The following AGFG1 variants were observed in gnomAD, a reference collection of about 807,000 sequenced individuals.
AGFG1 encodes ArfGAP with FG repeats 1.
A neutral mutation model predicts 60.6 loss-of-function variants in AGFG1; 10 were observed. That is an observed-to-expected ratio of 0.16 (90% CI 0.10 to 0.28). The LOEUF is 0.28. Ranked by LOEUF, AGFG1 falls within the 10% of genes least tolerant of loss-of-function variation. The probability of loss-of-function intolerance (pLI) is 1.00; values close to 1 mark genes in which losing one functional copy is unlikely to be tolerated. For synonymous variants in AGFG1, 247 were observed against 242.9 expected (o/e 1.02, Z -0.16); for missense variants, 537 against 676.5 (o/e 0.79, Z 2.29).
intron 5 of AGFG1, among the ~76,000 whole-genome samples, chr2:227,526,298 A>G (rs371481109): frequency 9.2e-5 from 14 of 152,222 alleles, no homozygotes; most frequent in Admixed American, 1.3e-4. Flanking sequence ...GGTTTAAGCT[A>G]TTCTCTCACC....
At chr2:227,554,400 T>C (rs1485667567) in intron 12 of AGFG1, 36 bp from the exon 13 acceptor site, 1 of 1,561,568 alleles carries the variant, frequency 6.4e-7, no homozygotes, top group Non-Finnish European at 8.7e-7. Flanking sequence ...GCACTACTTT[T>C]GTCTCTTTAT....
rs1232286345 is a variant in AGFG1 at position 227,555,011 on chromosome 2, A to G, written c.*516A>G. On this transcript the variant is annotated 3_prime_UTR_variant, in exon 13 of 13. Transcript: ENST00000310078. Reference sequence around the variant, plus strand: ...TTTTTCCTTTCTAAAGAGCTCTTCTATTTATACATGCCTAAATTCTTTTAA... The same window carrying G: ...TTTTTCCTTTCTAAAGAGCTCTTCTGTTTATACATGCCTAAATTCTTTTAA... The G allele has an allele frequency of 6.6e-6, 1 of 152,648 alleles. No homozygotes were observed. The highest frequency in any genetic ancestry group is 1.5e-5 in the Non-Finnish European group (1 of 68,066). The allele number at this position is 152,648 out of a possible 1,614,324, so 9.5% of individuals were successfully genotyped here.
chr2:227,496,633 G>C (rs1006427253), intron 2 of AGFG1, among the ~76,000 whole-genome samples: 7 of 152,150 alleles, frequency 4.6e-5, no homozygotes, highest in African/African-American at 1.7e-4. Flanking sequence ...TGGGCAAGAA[G>C]CTTTTTAGCC....
At chr2:227,551,698 T>C (rs1471481266) in intron 10 of AGFG1, among the ~76,000 whole-genome samples, 1 of 152,166 alleles carries the variant, frequency 6.6e-6, no homozygotes. Flanking sequence ...TTTGAGAAAT[T>C]GTCTTGGGAT....
Position 227,554,644 on chromosome 2 carries a change from A to G in AGFG1, c.*149A>G, listed in dbSNP as rs1184413629. The G allele has an allele frequency of 4.8e-6, 3 of 626,590 alleles. No homozygotes were observed. Among genetic ancestry groups the G allele is most frequent in the Non-Finnish European group, 8.1e-6 (3 of 371,220 alleles). 38.8% of individuals were successfully genotyped at this position (626,590 alleles called of 1,614,324 possible). Reference sequence around the variant, plus strand: ...TGCATTGTGTATTAAACACCAGGTAATATGTGCAAAACCGAGGGCTCCAGT... The same window carrying G: ...TGCATTGTGTATTAAACACCAGGTAGTATGTGCAAAACCGAGGGCTCCAGT... On this transcript the variant is annotated 3_prime_UTR_variant, in exon 13 of 13. Coordinates refer to ENST00000310078, the MANE Select transcript of AGFG1 (RefSeq NM_004504.5).
chr2:227,518,778 C>T (rs1313258497), intron 2 of AGFG1, among the ~76,000 whole-genome samples: 3 of 151,932 alleles, frequency 2.0e-5, no homozygotes, highest in Non-Finnish European at 2.9e-5. Flanking sequence ...CGCCTGCACC[C>T]GGCCTCAGTG....
At chr2:227,537,418 A>T (rs1323571264) in intron 10 of AGFG1, among the ~76,000 whole-genome samples, 2 of 152,358 alleles carry the variant, frequency 1.3e-5, no homozygotes, top group African/African-American at 4.8e-5. Context: ...ATTGCATCAG[A>T]TGACTTTACT....
chr2:227,534,713 A>T (rs1692258008), intron 7 of AGFG1, 132 bp from the exon 8 acceptor site: 2 of 881,824 alleles, frequency 2.3e-6, no homozygotes, highest in South Asian at 1.7e-5. Context: ...GTTATTTATT[A>T]GATTAATGAT....
At chr2:227,531,711 G>C (rs978126119) in intron 6 of AGFG1, among the ~76,000 whole-genome samples, 2 of 151,816 alleles carry the variant, frequency 1.3e-5, no homozygotes, top group Non-Finnish European at 2.9e-5. Context: ...GGGATTACAG[G>C]TGTGAGCCAC....
chr2:227,492,428 G>A (rs1346041322), intron 2 of AGFG1, among the ~76,000 whole-genome samples: 1 of 151,960 alleles, frequency 6.6e-6, no homozygotes, highest in East Asian at 1.9e-4. Flanking sequence ...TAGTACTTTA[G>A]TGGTACTCTT....
intron 1 of AGFG1, among the ~76,000 whole-genome samples, chr2:227,478,614 G>A (rs930102123): frequency 5.9e-5 from 9 of 152,112 alleles, no homozygotes; most frequent in South Asian, 2.1e-4. Context: ...GATTACAGGC[G>A]TGAATTACCA....
At chr2:227,505,178 CTT>C (rs1197439456) in intron 2 of AGFG1, among the ~76,000 whole-genome samples, 3 of 149,736 alleles carry the variant, frequency 2.0e-5, no homozygotes, top group East Asian at 1.9e-4. Context: ...TGATAATACT[CTT>C]TTTTGAAATT....
intron 10 of AGFG1, among the ~76,000 whole-genome samples, chr2:227,542,774 A>G (rs987270511): frequency 1.8e-4 from 27 of 152,298 alleles, no homozygotes; most frequent in African/African-American, 4.3e-4. Context: ...TTGGCTGTCA[A>G]TCTGTCTGGT....
At chr2:227,487,174 C>T (rs1307831059) in intron 1 of AGFG1, among the ~76,000 whole-genome samples, 1 of 152,176 alleles carries the variant, frequency 6.6e-6, no homozygotes, top group East Asian at 1.9e-4. Flanking sequence ...CGTTCACATT[C>T]ATAAAGCCAA....
intron 8 of AGFG1, 56 bp from the exon 9 acceptor site, chr2:227,536,569 G>C: frequency 6.8e-7 from 1 of 1,471,654 alleles, no homozygotes. Context: ...CCTGTAAATC[G>C]TTACTTTCTT....
At chr2:227,481,902 G>A (rs1202576752) in intron 1 of AGFG1, among the ~76,000 whole-genome samples, 1 of 123,524 alleles carries the variant, frequency 8.1e-6, no homozygotes, top group African/African-American at 3.1e-5. Context: ...GAGTCTCGCT[G>A]TTGCCCAGGT....
chr2:227,552,206 T>C, intron 11 of AGFG1, 89 bp downstream of exon 11: 1 of 1,448,806 alleles, frequency 6.9e-7, no homozygotes, highest in Non-Finnish European at 9.4e-7. Flanking sequence ...AAGACTTTTC[T>C]AAAGAATACT....
intron 8 of AGFG1, among the ~76,000 whole-genome samples, chr2:227,535,845 A>T (rs922449266): frequency 1.3e-5 from 2 of 152,150 alleles, no homozygotes; most frequent in African/African-American, 4.8e-5. Flanking sequence ...ATTACAGTAC[A>T]TCAGGGGTTC....
intron 12 of AGFG1, 148 bp downstream of exon 12, chr2:227,553,943 A>G: frequency 1.7e-6 from 1 of 588,954 alleles, no homozygotes; most frequent in Middle Eastern, 4.8e-4. Flanking sequence ...ACACAGAGCC[A>G]TTATGTGTGA....
Sources: gnomAD v4.1 joint callset for allele counts (sites outside exome capture counted in the v4.1 genomes callset) on GRCh38, gnomAD v4.1.1 for gene constraint, MANE v1.5 for transcripts, NCBI Gene and HGNC (gene_info 2026-07-23, HGNC 2026-07-21) for gene names.